The following CAMTA1 variants were observed in gnomAD, a reference collection of about 807,000 sequenced individuals.
CAMTA1 encodes the protein calmodulin-binding transcription activator 1.
In CAMTA1, 27 loss-of-function variants were observed where a neutral mutation model predicts 170.9. That is an observed-to-expected ratio of 0.16 (90% CI 0.12 to 0.22). CAMTA1 has a LOEUF of 0.22. Among genes scored for constraint, CAMTA1 ranks in the 10% least tolerant of loss-of-function variants. The pLI, the probability that CAMTA1 is intolerant of heterozygous loss-of-function variation, is 1.00. For missense variants in CAMTA1, 1,619 were observed against 2,217.2 expected (o/e 0.73, Z 5.42); for synonymous variants, 833 against 891.5 (o/e 0.93, Z 1.17).
At position 7,026,756 on chromosome 1, in the gene CAMTA1, A is replaced by G. The variant is rs1572530223; in HGVS notation, c.235-64548A>G. 2.0e-5 allele frequency among the ~76,000 whole-genome samples: 3 copies of G among 149,980 alleles called. No individual in the cohort carries two copies. In the East Asian group the frequency reaches 5.9e-4, roughly 30 times the overall value. ...AGCGATTCTTGTGCCTCAGCCTCCC[A>G]AGTAGCTGGGACTACAAGCACGTGC... On this transcript the variant is annotated intron_variant, in intron 3 of 22. Transcript: ENST00000303635.
chr1:7,376,489 A>G (rs926776225), intron 5 of CAMTA1, among the ~76,000 whole-genome samples: 14 of 152,160 alleles, frequency 9.2e-5, no homozygotes, highest in Admixed American at 8.5e-4. Context: ...ATCTATGGAG[A>G]CAGAGTATAA....
intron 5 of CAMTA1, among the ~76,000 whole-genome samples, chr1:7,290,577 C>T (rs556960591): frequency 2.0e-5 from 3 of 152,158 alleles, no homozygotes; most frequent in Admixed American, 6.5e-5. Flanking sequence ...GCAACCACCC[C>T]CCCCATGCAC....
Position 7,556,776 on chromosome 1 carries a change from C to A in CAMTA1, c.511-83624C>A, listed in dbSNP as rs554756403. 3.9e-5 allele frequency among the ~76,000 whole-genome samples: 6 copies of A among 152,254 alleles called. No individual in the cohort carries two copies. In the East Asian group the frequency reaches 1.2e-3, roughly 29 times the overall value. On this transcript the variant is annotated intron_variant, in intron 6 of 22. Transcript: ENST00000303635. ...CTAAGGATCCTCGAAGAACCAGCTC[C>A]CCTCCCTCACTGCTTGGGCCTCTGT... is the stretch of plus-strand genomic sequence containing the variant.
intron 3 of CAMTA1, among the ~76,000 whole-genome samples, chr1:6,976,871 CT>C (rs1318515613): frequency 1.3e-5 from 2 of 152,166 alleles, no homozygotes. Context: ...GGGGACGGGT[CT>C]TTCCCATGCT....
intron 6 of CAMTA1, among the ~76,000 whole-genome samples, chr1:7,637,058 G>A (rs2095717524): frequency 6.6e-6 from 1 of 152,254 alleles, no homozygotes; most frequent in Non-Finnish European, 1.5e-5. Context: ...TGCAGATGGA[G>A]GCTGAGGCCT....
intron 21 of CAMTA1, among the ~76,000 whole-genome samples, chr1:7,754,952 TC>T (rs1291640175): frequency 3.3e-5 from 5 of 152,314 alleles, no homozygotes; most frequent in Admixed American, 6.5e-5. Context: ...CTATTTTCAT[TC>T]TGGGTTGAGT....
chr1:7,541,538 A>G (rs535770402), intron 6 of CAMTA1, among the ~76,000 whole-genome samples: 1 of 152,372 alleles, frequency 6.6e-6, no homozygotes, highest in East Asian at 1.9e-4. Flanking sequence ...CACGGAATAT[A>G]AATCTCTGTT....
At chr1:7,084,045 G>C (rs1179805453) in intron 3 of CAMTA1, among the ~76,000 whole-genome samples, 1 of 151,366 alleles carries the variant, frequency 6.6e-6, no homozygotes, top group Non-Finnish European at 1.5e-5. Flanking sequence ...TAAAAACCAA[G>C]CTTTAAGAAA....
At chr1:7,264,772 T>C (rs1423369189) in intron 5 of CAMTA1, among the ~76,000 whole-genome samples, 1 of 152,188 alleles carries the variant, frequency 6.6e-6, no homozygotes, top group African/African-American at 2.4e-5. Context: ...GGAAAAAATA[T>C]CGCAGACTTC....
At chr1:7,395,299 T>C (rs2089201056) in intron 5 of CAMTA1, among the ~76,000 whole-genome samples, 1 of 152,192 alleles carries the variant, frequency 6.6e-6, no homozygotes, top group Non-Finnish European at 1.5e-5. Flanking sequence ...GATGTCCAGT[T>C]TTCCCAGCAA....
chr1:6,833,645 A>G (rs1651504646), intron 3 of CAMTA1, among the ~76,000 whole-genome samples: 1 of 152,174 alleles, frequency 6.6e-6, no homozygotes, highest in South Asian at 2.1e-4. Context: ...TCTGTCATTA[A>G]GCCTTGGCAC....
At chr1:7,040,723 CTTTT>C (rs1277626911) in intron 3 of CAMTA1, among the ~76,000 whole-genome samples, 1 of 141,668 alleles carries the variant, frequency 7.1e-6, no homozygotes. Flanking sequence ...GGATCTCCCT[CTTTT>C]TTTTTTTTTT....
chr1:7,377,459 C>T (rs966836764), intron 5 of CAMTA1, among the ~76,000 whole-genome samples: 10 of 152,154 alleles, frequency 6.6e-5, no homozygotes, highest in African/African-American at 2.4e-4. Flanking sequence ...TCATCTCAGG[C>T]CCCAGATATT....
At chr1:7,469,842 G>A (rs2093296094) in intron 6 of CAMTA1, among the ~76,000 whole-genome samples, 2 of 152,200 alleles carry the variant, frequency 1.3e-5, no homozygotes, top group Admixed American at 6.5e-5. Flanking sequence ...CTCATTCCGG[G>A]TCCCTCCTAG....
rs1236803499 is a variant in CAMTA1 at position 7,443,389 on chromosome 1, C to T, written c.439-24441C>T. Among the ~76,000 whole-genome samples, 1 of 152,200 alleles carries T rather than the reference C, an allele frequency of 6.6e-6. No homozygotes were observed. The highest frequency in any genetic ancestry group is 1.5e-5 in the Non-Finnish European group (1 of 68,038). ...TTAGTAGATGCTGCATCAAGGTGGC[C>T]TTGGGAGCACGTGGAGATGATGATA... On this transcript the variant is annotated intron_variant, in intron 5 of 22. Coordinates refer to ENST00000303635, the MANE Select transcript of CAMTA1 (RefSeq NM_015215.4). This position sits in a 1 kb window ranked among gnomAD's most constrained non-coding sequence, Gnocchi z 4.1.
chr1:7,704,648 G>T (rs1358355778), intron 11 of CAMTA1, among the ~76,000 whole-genome samples: 1 of 148,770 alleles, frequency 6.7e-6, no homozygotes, highest in Non-Finnish European at 1.5e-5. Context: ...ACGCGGCCTG[G>T]GGGGCGGGGT....
intron 4 of CAMTA1, among the ~76,000 whole-genome samples, chr1:7,182,039 T>C (rs1652279106): frequency 6.7e-6 from 1 of 149,806 alleles, no homozygotes; most frequent in African/African-American, 2.6e-5. Flanking sequence ...ATAGAAAGTC[T>C]TGAAATAGAC....
intron 18 of CAMTA1, 147 bp from the exon 19 acceptor site, chr1:7,747,563 T>G: frequency 1.8e-6 from 1 of 555,892 alleles, no homozygotes; most frequent in Non-Finnish European, 3.2e-6. Flanking sequence ...AAATTCATTT[T>G]TCCTCATTTA....
intron 6 of CAMTA1, among the ~76,000 whole-genome samples, chr1:7,574,747 C>T (rs2095170087): frequency 6.6e-6 from 1 of 152,152 alleles, no homozygotes; most frequent in South Asian, 2.1e-4. Context: ...TTTCAGGGGT[C>T]AGGTAGAGAG....
Sources: allele counts gnomAD v4.1 joint callset (sites outside exome capture counted in the v4.1 genomes callset), GRCh38; gene constraint gnomAD v4.1.1; non-coding constraint Gnocchi (gnomAD v3.1); transcripts MANE v1.5; gene names NCBI Gene and HGNC (gene_info 2026-07-23, HGNC 2026-07-21).